Variants in CCDC3 observed in about 807,000 individuals in gnomAD.
CCDC3 encodes the protein coiled-coil domain-containing protein 3.
CCDC3 carries 24 observed loss-of-function variants against 21.4 expected under a neutral mutation model. The observed-to-expected ratio is 1.12, with a 90% CI of 0.81 to 1.58. The LOEUF is 1.58. Ranked by LOEUF, CCDC3 falls within the 40% of genes most tolerant of loss-of-function variation. CCDC3 has a pLI of 0.00. For missense variants in CCDC3, 425 were observed against 360.9 expected (o/e 1.18, Z -1.44); for synonymous variants, 186 against 166.0 (o/e 1.12, Z -0.93).
chr10:12,899,097 T>G (rs1221888802), intron 2 of CCDC3, among the ~76,000 whole-genome samples: 1 of 152,020 alleles, frequency 6.6e-6, no homozygotes, highest in Non-Finnish European at 1.5e-5. Context: ...TCGCGAAGGC[T>G]CTGATCAATG....
chr10:12,899,636 T>G (rs1452302796), intron 2 of CCDC3, among the ~76,000 whole-genome samples: 1 of 152,178 alleles, frequency 6.6e-6, no homozygotes, highest in East Asian at 1.9e-4. Flanking sequence ...CAGCTCCGTG[T>G]GAATGGTGGT....
At chr10:12,908,606 A>AT (rs1474019210) in intron 2 of CCDC3, among the ~76,000 whole-genome samples, 30 of 121,762 alleles carry the variant, frequency 2.5e-4, no homozygotes, top group Middle Eastern at 4.0e-3. Context: ...AAGAACTGTG[A>AT]TTTTTCTTTT....
chr10:12,943,757 CTG>C (rs779072262), intron 2 of CCDC3, among the ~76,000 whole-genome samples: 1 of 152,202 alleles, frequency 6.6e-6, no homozygotes, highest in Non-Finnish European at 1.5e-5. Flanking sequence ...CTATAAAACT[CTG>C]TGCATTTCGC....
intron 4 of CCDC3, among the ~76,000 whole-genome samples, chr10:13,061,155 C>T (rs910820046): frequency 1.3e-5 from 2 of 152,000 alleles, no homozygotes; most frequent in South Asian, 4.1e-4. Context: ...GTTATAAAAC[C>T]CAAGCAAGTA....
chr10:13,072,502 G>A (rs1176927131), intron 4 of CCDC3, among the ~76,000 whole-genome samples: 1 of 152,212 alleles, frequency 6.6e-6, no homozygotes, highest in Admixed American at 6.5e-5. Context: ...CTGTACAGAT[G>A]AGGGAACATG....
At chr10:12,908,678 C>T (rs1003010508) in intron 2 of CCDC3, among the ~76,000 whole-genome samples, 9 of 146,436 alleles carry the variant, frequency 6.1e-5, no homozygotes, top group African/African-American at 2.0e-4. Flanking sequence ...GGTGTGATCT[C>T]GGCTCCCAGG....
chr10:12,912,824 C>G (rs111366971), intron 2 of CCDC3, among the ~76,000 whole-genome samples: 1 of 152,092 alleles, frequency 6.6e-6, no homozygotes, highest in Non-Finnish European at 1.5e-5. Flanking sequence ...ATTCTCTGCA[C>G]GTAGATACTC....
At chr10:12,924,044 G>C (rs1175334616) in intron 2 of CCDC3, among the ~76,000 whole-genome samples, 1 of 152,222 alleles carries the variant, frequency 6.6e-6, no homozygotes, top group East Asian at 1.9e-4. Flanking sequence ...CCTTAAAGGA[G>C]ACTGGCTTCA....
At chr10:13,054,011 G>T (rs1214170217) in intron 4 of CCDC3, among the ~76,000 whole-genome samples, 1 of 152,034 alleles carries the variant, frequency 6.6e-6, no homozygotes, top group Non-Finnish European at 1.5e-5. Flanking sequence ...CTGGCATGGT[G>T]GTGCATGCCT....
intron 2 of CCDC3, 113 bp downstream of exon 2, chr10:12,998,225 C>G: frequency 8.4e-7 from 1 of 1,195,326 alleles, no homozygotes. Flanking sequence ...TACGCTAATA[C>G]TCTCTGATCT....
intron 3 of CCDC3, among the ~76,000 whole-genome samples, chr10:13,084,660 T>C (rs896146064): frequency 4.6e-5 from 7 of 152,202 alleles, no homozygotes; most frequent in Admixed American, 1.3e-4. Flanking sequence ...TTGCACGAGA[T>C]CCAATAACCC....
intron 5 of CCDC3, among the ~76,000 whole-genome samples, chr10:13,009,454 T>C (rs985206258): frequency 1.1e-4 from 17 of 152,120 alleles, no homozygotes; most frequent in Admixed American, 2.6e-4. Flanking sequence ...GAACTGAGAA[T>C]AGCCAAAAAC....
intron 2 of CCDC3, among the ~76,000 whole-genome samples, chr10:12,923,401 G>A (rs1397198615): frequency 1.3e-5 from 2 of 152,238 alleles, no homozygotes; most frequent in African/African-American, 4.8e-5. Context: ...TTACTTCTGA[G>A]TCTTTATTCT....
chr10:13,085,413 T>A (rs970933725), intron 3 of CCDC3, among the ~76,000 whole-genome samples: 1 of 152,224 alleles, frequency 6.6e-6, no homozygotes, highest in Non-Finnish European at 1.5e-5. Flanking sequence ...CCCTGTTACA[T>A]GCCCATTGAA....
chr10:13,040,687 T>TCACACACACA (rs10653974), intron 5 of CCDC3, among the ~76,000 whole-genome samples: 3,503 of 142,756 alleles, frequency 0.025, 105 homozygotes, highest in African/African-American at 0.059. Flanking sequence ...CAAAACTCTG[T>TCACACACACA]CACACACACA....
intron 5 of CCDC3, among the ~76,000 whole-genome samples, chr10:13,048,387 T>A (rs1236544995): frequency 6.6e-6 from 1 of 151,876 alleles, no homozygotes; most frequent in Non-Finnish European, 1.5e-5. Context: ...AGAGACGGGG[T>A]TTCACCATGT....
chr10:12,974,781 CACAG>C (rs1365876345), intron 2 of CCDC3, among the ~76,000 whole-genome samples: 1 of 152,192 alleles, frequency 6.6e-6, no homozygotes, highest in Non-Finnish European at 1.5e-5. Context: ...GAATCCCAGC[CACAG>C]ACAAAGGTTT....
chr10:12,979,824 G>C (rs1020172510), intron 2 of CCDC3, among the ~76,000 whole-genome samples: 7 of 152,118 alleles, frequency 4.6e-5, no homozygotes, highest in African/African-American at 1.4e-4. Flanking sequence ...GGGTTGATTT[G>C]TTCACTTCAG....
chr10:13,021,839 C>G (rs550750628), intron 5 of CCDC3, among the ~76,000 whole-genome samples: 6 of 152,256 alleles, frequency 3.9e-5, no homozygotes, highest in Non-Finnish European at 5.9e-5. Context: ...TCTCAGTTCA[C>G]TGCAACCTCT....
Sources: gnomAD v4.1 joint callset for allele counts (sites outside exome capture counted in the v4.1 genomes callset) on GRCh38, gnomAD v4.1.1 for gene constraint, MANE v1.5 for transcripts, NCBI Gene and HGNC (gene_info 2026-07-23, HGNC 2026-07-21) for gene names.